TRNT1: variants seen among roughly 807,000 people sequenced by gnomAD.
The protein encoded by TRNT1 is tRNA nucleotidyl transferase 1, also known as CCA tRNA nucleotidyltransferase 1, mitochondrial.
TRNT1 carries 44 observed loss-of-function variants against 45.6 expected under a neutral mutation model. The ratio of observed to expected loss-of-function variants is 0.97; its 90% CI spans 0.76 to 1.24. TRNT1 has a LOEUF of 1.24. Among genes scored for constraint, TRNT1 ranks in the 50% most tolerant of loss-of-function variants. The pLI, the probability that TRNT1 is intolerant of heterozygous loss-of-function variation, is 0.00. For missense variants in TRNT1, 633 were observed against 504.4 expected (o/e 1.25, Z -2.44); for synonymous variants, 201 against 171.4 (o/e 1.17, Z -1.35).
chr3:3,135,608 C>A (rs1366979449), intron 2 of TRNT1, among the ~76,000 whole-genome samples: 2 of 152,026 alleles, frequency 1.3e-5, no homozygotes, highest in African/African-American at 4.8e-5. Context: ...TTAAGTACAT[C>A]ATTTTAAGGA....
At chr3:3,129,563 C>T in intron 2 of TRNT1, 1 of 432,164 alleles carries the variant, frequency 2.3e-6, no homozygotes, top group Non-Finnish European at 4.3e-6. Context: ...GCCTGGGCAA[C>T]AGAGTGAGAC....
chr3:3,142,789 C>T (rs1410716181), intron 4 of TRNT1, among the ~76,000 whole-genome samples: 1 of 152,174 alleles, frequency 6.6e-6, no homozygotes, highest in Non-Finnish European at 1.5e-5. Context: ...GGAGAAATAA[C>T]ACCAAGATGG....
At chr3:3,140,075 C>G (rs1243307564) in intron 3 of TRNT1, among the ~76,000 whole-genome samples, 1 of 152,214 alleles carries the variant, frequency 6.6e-6, no homozygotes, top group African/African-American at 2.4e-5. Context: ...GTTGCAAGAT[C>G]TGTTAACTGT....
intron 1 of TRNT1, chr3:3,127,589 G>C (rs867203674): frequency 6.6e-6 from 1 of 152,644 alleles, no homozygotes; most frequent in Non-Finnish European, 1.5e-5. Context: ...GGCAGGAAAA[G>C]AATCAGGAAA....
intron 2 of TRNT1, 57 bp downstream of exon 2, chr3:3,129,245 G>C: frequency 1.4e-6 from 2 of 1,460,084 alleles, no homozygotes; most frequent in East Asian, 2.3e-5. Context: ...GAGAAGTAGA[G>C]GGTTAACTTT....
Position 3,147,630 on chromosome 3 carries a change from A to AAAAT in TRNT1, c.985_988dup (p.Arg330LysfsTer2). The stretch of plus-strand genomic sequence containing the variant: ...AAAAACCTTGGCTTATTTATAGTTA[A>AAAAT]AAATAGGAAAGATTTAATTAAAGCA... On this transcript the variant is annotated frameshift_variant, in exon 7 of 8. Transcript: ENST00000251607. LOFTEE classifies it high-confidence loss of function. 1 of 1,613,860 alleles carries AAAAT rather than the reference A, an allele frequency of 6.2e-7. No individual in the cohort carries two copies. The highest frequency in any genetic ancestry group is 1.1e-5 in the South Asian group (1 of 91,074).
Position 3,148,027 on chromosome 3 carries a change from T to A in TRNT1, c.1178T>A (p.Ile393Asn), listed in dbSNP as rs1029132806. 1.2e-6 allele frequency: 2 copies of A among 1,613,796 alleles called. No individual in the cohort carries two copies. Among genetic ancestry groups the A allele is most frequent in the Non-Finnish European group, 1.7e-6 (2 of 1,179,890 alleles). ...CCATTTCCTGTAAGTGGCCATGACATCAGAAAAGTGGGCATTTCTTCAGGA... is the reference window on the plus strand; with the variant it reads ...CCATTTCCTGTAAGTGGCCATGACAACAGAAAAGTGGGCATTTCTTCAGGA... ...IPPFPVSGHD[I>N]RKVGISSGKE... Residue 393 changes from isoleucine (I) to asparagine (N), a missense_variant, in exon 8 of 8, where the codon ATC becomes AAC. Coordinates refer to ENST00000251607, the MANE Select transcript of TRNT1 (RefSeq NM_182916.3).
At chr3:3,128,214 C>T (rs1162791574) in intron 1 of TRNT1, among the ~76,000 whole-genome samples, 1 of 152,160 alleles carries the variant, frequency 6.6e-6, no homozygotes, top group Non-Finnish European at 1.5e-5. Flanking sequence ...GGAGTTCCCT[C>T]AGACCCCTAA....
rs1261763561 is a variant in TRNT1, at chr3:3,147,521, C to G, written c.874C>G (p.Pro292Ala). The part of the protein sequence containing the change: ...SKNVDGFSPK[P>A]VTLLASLFKV... ...AAATGTTGATGGTTTTTCACCAAAG[C>G]CAGTGACTCTTTTGGCCTCATTATT... is the stretch of plus-strand genomic sequence containing the variant. Residue 292 changes from proline (P) to alanine (A), a missense_variant, in exon 7 of 8, where the codon CCA becomes GCA. Physicochemically the swap from Pro to Ala is conservative, Grantham distance 27. Coordinates refer to ENST00000251607, the MANE Select transcript of TRNT1 (RefSeq NM_182916.3). 6.2e-7 allele frequency: 1 copy of G among 1,613,822 alleles called. No homozygotes were observed. The highest frequency in any genetic ancestry group is 8.5e-7 in the Non-Finnish European group (1 of 1,179,826).
At chr3:3,130,377 G>GT (rs1340151654) in intron 2 of TRNT1, 2 of 168,550 alleles carry the variant, frequency 1.2e-5, no homozygotes, top group African/African-American at 4.8e-5. Flanking sequence ...GACTCACCTT[G>GT]TATTAGCTTA....
chr3:3,129,093 G>A lies in TRNT1; in HGVS notation c.53G>A (p.Ser18Asn), dbSNP rs1396409043. The A allele has an allele frequency of 6.2e-7, 1 of 1,613,986 alleles. No individual in the cohort carries two copies. The highest frequency in any genetic ancestry group is 2.2e-5 in the East Asian group (1 of 44,884). Residue 18 changes from serine to asparagine, a missense_variant, in exon 2 of 8, where the codon AGT (serine) becomes AAT (asparagine). Coordinates refer to ENST00000251607, the MANE Select transcript of TRNT1 (RefSeq NM_182916.3). ...AGGCCAGTGCTGAACCGTAGGTGGA[G>A]TAGGCTGTGCCTTCCGAAGCAGTAT... ...WHRPVLNRRW[S>N]RLCLPKQYLF...
downstream of TRNT1, chr3:3,150,759 G>A: frequency 9.4e-7 from 1 of 1,062,210 alleles, no homozygotes; most frequent in East Asian, 2.6e-5. Flanking sequence ...GTTTACTTAG[G>A]TATTAATGTT....
At chr3:3,152,263 G>C (rs1347501750), downstream of TRNT1, among the ~76,000 whole-genome samples, 1 of 150,922 alleles carries the variant, frequency 6.6e-6, no homozygotes, top group African/African-American at 2.4e-5. Context: ...AGAGATTCTT[G>C]TGCCTCAGCA....
chr3:3,152,649 T>C, downstream of TRNT1: 1 of 1,594,660 alleles, frequency 6.3e-7, no homozygotes, highest in East Asian at 2.3e-5. Flanking sequence ...TATTAAATGC[T>C]TAGAATTTTA....
intron 4 of TRNT1, among the ~76,000 whole-genome samples, chr3:3,144,208 TTCC>T (rs1358734659): frequency 3.3e-5 from 5 of 152,226 alleles, no homozygotes; most frequent in African/African-American, 1.2e-4. Context: ...TAAAAATATT[TTCC>T]TCGTTTCTTC....
intron 5 of TRNT1, chr3:3,144,920 T>G (rs1006715167): frequency 3.4e-5 from 10 of 293,898 alleles, no homozygotes; most frequent in African/African-American, 6.5e-5. Flanking sequence ...ACATATACTT[T>G]ATGTCATCTT....
At chr3:3,152,313 C>T (rs557080038), downstream of TRNT1, 66 of 894,370 alleles carry the variant, frequency 7.4e-5, 1 homozygote, top group South Asian at 5.5e-4. Flanking sequence ...CCCCCATACC[C>T]GGCTAATTTT....
At chr3:3,136,697 C>G (rs1705350441) in intron 2 of TRNT1, 2 of 420,246 alleles carry the variant, frequency 4.8e-6, no homozygotes, top group South Asian at 3.5e-5. Context: ...CTCTGTCACC[C>G]AGGCTGGAGT....
At position 3,147,712 on chromosome 3, in the gene TRNT1, A is replaced by T. The variant is rs199792821; in HGVS notation, c.1056+9A>T. 6.3e-7 allele frequency: 1 copy of T among 1,592,830 alleles called. No individual in the cohort carries two copies. Among genetic ancestry groups the T allele is most frequent in the African/African-American group, 1.4e-5 (1 of 73,954 alleles). ...AAGACTTCATTATAGATGTAAGTAT[A>T]TACTAGGCTTGGTCAGAAATATGAA... On this transcript the variant is annotated intron_variant, in intron 7 of 7. Transcript: ENST00000251607.
Sources: gnomAD v4.1 joint callset for allele counts (sites outside exome capture counted in the v4.1 genomes callset) on GRCh38, gnomAD v4.1.1 for gene constraint, MANE v1.5 for transcripts, NCBI Gene and HGNC (gene_info 2026-07-23, HGNC 2026-07-21) for gene names.